MAP4K3: variants seen among roughly 807,000 people sequenced by gnomAD.
MAP4K3 encodes the protein MAPK/ERK kinase kinase kinase 3.
A neutral mutation model predicts 143.5 loss-of-function variants in MAP4K3; 94 were observed. That is an observed-to-expected ratio of 0.65 (90% CI 0.55 to 0.78). The LOEUF (loss-of-function observed/expected upper bound fraction) is 0.78, where lower values mean the gene tolerates loss of function less well. MAP4K3 is among the 30% of genes least tolerant of loss of function. MAP4K3 has a pLI of 0.00. For synonymous variants in MAP4K3, 416 were observed against 347.2 expected, an observed-to-expected ratio of 1.20 and a Z score of -2.20; for missense variants, 1,077 against 1,068.1, an observed-to-expected ratio of 1.01 and a Z score of -0.12.
At chr2:39,319,115 T>G (rs1256093678) in intron 12 of MAP4K3, among the ~76,000 whole-genome samples, 1 of 152,108 alleles carries the variant, frequency 6.6e-6, no homozygotes, top group Non-Finnish European at 1.5e-5. Flanking sequence ...GCCCAAAATG[T>G]CAACAGTGCT....
chr2:39,317,608 C>G lies in MAP4K3; in HGVS notation c.919-2220G>C, dbSNP rs565175073. Among the ~76,000 whole-genome samples the G allele has an allele frequency of 3.9e-5, 6 of 151,996 alleles. No homozygotes were observed. In the South Asian group the frequency reaches 8.3e-4, roughly 21 times the overall value. ...AAGTGGGCAAAGGACATGACAGATA[C>G]TTTTCAAAAGAAGACATATACACAG... On this transcript the variant is annotated intron_variant, in intron 12 of 33. Coordinates refer to ENST00000263881, the MANE Select transcript of MAP4K3 (RefSeq NM_003618.4).
At chr2:39,381,720 T>C (rs1373041984) in intron 1 of MAP4K3, among the ~76,000 whole-genome samples, 1 of 152,232 alleles carries the variant, frequency 6.6e-6, no homozygotes, top group African/African-American at 2.4e-5. Context: ...AAATACCACA[T>C]TTTAATCTGG....
At chr2:39,366,137 T>G (rs1218101617) in intron 2 of MAP4K3, among the ~76,000 whole-genome samples, 1 of 152,080 alleles carries the variant, frequency 6.6e-6, no homozygotes, top group East Asian at 1.9e-4. Context: ...TCAGGAGACC[T>G]GAGAACATAT....
chr2:39,382,715 C>A (rs1018433333), intron 1 of MAP4K3, among the ~76,000 whole-genome samples: 1 of 152,054 alleles, frequency 6.6e-6, no homozygotes, highest in Non-Finnish European at 1.5e-5. Context: ...CTAGGTCAAG[C>A]GATTAAGAAT....
At chr2:39,399,836 T>A (rs1003309262) in intron 1 of MAP4K3, among the ~76,000 whole-genome samples, 1 of 152,198 alleles carries the variant, frequency 6.6e-6, no homozygotes, top group African/African-American at 2.4e-5. Flanking sequence ...GTAAGTAGGA[T>A]CTTTGTTCTC....
At chr2:39,426,288 C>T (rs1229879085) in intron 1 of MAP4K3, among the ~76,000 whole-genome samples, 2 of 152,114 alleles carry the variant, frequency 1.3e-5, no homozygotes, top group Non-Finnish European at 2.9e-5. Flanking sequence ...GGCTGAAAAA[C>T]TCTTCTAGGT....
In MAP4K3 at chr2:39,432,240, G is replaced by C. The variant is rs192162943; in HGVS notation, c.96+4652C>G. On this transcript the variant is annotated intron_variant, in intron 1 of 33. Coordinates refer to ENST00000263881, the MANE Select transcript of MAP4K3 (RefSeq NM_003618.4). ...ATTCTTAATACAAAATGATGCATTAGATACGTTTCACCAATAAATACATAT... is the reference window on the plus strand; with the variant it reads ...ATTCTTAATACAAAATGATGCATTACATACGTTTCACCAATAAATACATAT... Among the ~76,000 whole-genome samples, 329 of 152,304 alleles carry C rather than the reference G, an allele frequency of 2.2e-3. 2 individuals carry two copies. Among genetic ancestry groups the C allele is most frequent in the African/African-American group, 7.3e-3 (302 of 41,574 alleles).
chr2:39,396,498 T>C (rs1052738971), intron 1 of MAP4K3, among the ~76,000 whole-genome samples: 1 of 151,106 alleles, frequency 6.6e-6, no homozygotes, highest in African/African-American at 2.4e-5. Flanking sequence ...TTTTTTTTTT[T>C]AAGCAGAGTC....
At chr2:39,400,127 T>G (rs1666914735) in intron 1 of MAP4K3, among the ~76,000 whole-genome samples, 1 of 152,130 alleles carries the variant, frequency 6.6e-6, no homozygotes, top group Non-Finnish European at 1.5e-5. Flanking sequence ...ACCCAACATC[T>G]CGCAACTGCC....
At chr2:39,312,682 T>G (rs1434652767) in intron 13 of MAP4K3, among the ~76,000 whole-genome samples, 3 of 152,210 alleles carry the variant, frequency 2.0e-5, no homozygotes, top group African/African-American at 7.2e-5. Context: ...ATCTGATAAG[T>G]AGGTTAAGAA....
At chr2:39,308,145 G>C (rs1318094247) in intron 14 of MAP4K3, 140 bp from the exon 15 acceptor site, 1 of 462,574 alleles carries the variant, frequency 2.2e-6, no homozygotes, top group African/African-American at 2.0e-5. Flanking sequence ...AACTGTATTA[G>C]GCAGCTTCTA....
At chr2:39,376,101 T>C (rs911372000) in intron 2 of MAP4K3, among the ~76,000 whole-genome samples, 1 of 152,262 alleles carries the variant, frequency 6.6e-6, no homozygotes, top group Non-Finnish European at 1.5e-5. Flanking sequence ...ATGGCAAATT[T>C]ATGTTTAACA....
intron 1 of MAP4K3, among the ~76,000 whole-genome samples, chr2:39,391,358 C>CAAAAAAAAAAAAAAAAA (rs755777714): frequency 2.0e-4 from 9 of 45,426 alleles, no homozygotes; most frequent in South Asian, 2.0e-3. Context: ...GACTCCATCT[C>CAAAAAAAAAAAAAAAAA]AAAAAAAAAA....
At chr2:39,262,946 A>C (rs1465475815) in intron 28 of MAP4K3, among the ~76,000 whole-genome samples, 2 of 151,966 alleles carry the variant, frequency 1.3e-5, no homozygotes, top group Non-Finnish European at 1.5e-5. Flanking sequence ...CTCTACTAAA[A>C]ATACAAAAAT....
At chr2:39,398,001 G>C (rs1314698511) in intron 1 of MAP4K3, among the ~76,000 whole-genome samples, 1 of 152,070 alleles carries the variant, frequency 6.6e-6, no homozygotes, top group Admixed American at 6.6e-5. Flanking sequence ...TGTAGGGAAA[G>C]GGGGGGCATT....
chr2:39,271,271 T>A (rs551615083), intron 26 of MAP4K3, among the ~76,000 whole-genome samples: 2 of 152,230 alleles, frequency 1.3e-5, no homozygotes, highest in Non-Finnish European at 2.9e-5. Context: ...ATGGGACATT[T>A]CATACACATT....
chr2:39,373,562 G>T (rs562251049), intron 2 of MAP4K3, among the ~76,000 whole-genome samples: 12 of 152,240 alleles, frequency 7.9e-5, no homozygotes, highest in African/African-American at 2.9e-4. Flanking sequence ...GATGAATGAA[G>T]AAAGAAATGT....
At chr2:39,387,062 C>T (rs1226410021) in intron 1 of MAP4K3, among the ~76,000 whole-genome samples, 1 of 152,160 alleles carries the variant, frequency 6.6e-6, no homozygotes, top group Non-Finnish European at 1.5e-5. Context: ...GATCTACCCA[C>T]CTTGGCCTCC....
At chr2:39,343,753 T>C (rs1665207212) in intron 3 of MAP4K3, among the ~76,000 whole-genome samples, 1 of 152,176 alleles carries the variant, frequency 6.6e-6, no homozygotes, top group Admixed American at 6.5e-5. Flanking sequence ...CAAAAGTTTA[T>C]ACATCTACCC....
Sources: allele counts gnomAD v4.1 joint callset (sites outside exome capture counted in the v4.1 genomes callset), GRCh38; gene constraint gnomAD v4.1.1; transcripts MANE v1.5; gene names NCBI Gene and HGNC (gene_info 2026-07-23, HGNC 2026-07-21).